RABGEF1: variants seen among roughly 807,000 people sequenced by gnomAD.
The protein encoded by RABGEF1 is rab5 GDP/GTP exchange factor.
Under a neutral mutation model 57.3 loss-of-function variants are expected in RABGEF1, and 26 were observed. The ratio of observed to expected loss-of-function variants is 0.45; its 90% confidence interval spans 0.33 to 0.63. The LOEUF (loss-of-function observed/expected upper bound fraction) is 0.63, where lower values mean the gene tolerates loss of function less well. Ranked by LOEUF, RABGEF1 falls within the 20% of genes least tolerant of loss-of-function variation. RABGEF1 has a pLI of 0.02. For synonymous variants in RABGEF1, 185 were observed against 210.7 expected (o/e 0.88, Z 1.06); for missense variants, 464 against 607.6 (o/e 0.76, Z 2.48).
intron 7 of RABGEF1, among the ~76,000 whole-genome samples, chr7:66,803,769 G>A (rs1244658275): frequency 4.6e-5 from 7 of 151,874 alleles, no homozygotes; most frequent in Non-Finnish European, 1.0e-4. Context: ...CGTGCCTGTA[G>A]TCCCAGCTAC....
At chr7:66,794,302 CCTTT>C (rs1398428542) in intron 4 of RABGEF1, among the ~76,000 whole-genome samples, 3 of 146,728 alleles carry the variant, frequency 2.0e-5, no homozygotes, top group African/African-American at 7.6e-5. Context: ...CTTTCTCTCC[CCTTT>C]CTTTCTTTCC....
chr7:66,661,825 C>A, the RABGEF1 span, among the ~76,000 whole-genome samples: 1 of 152,194 alleles, frequency 6.6e-6, no homozygotes, highest in Non-Finnish European at 1.5e-5. Context: ...ATGAAAACAA[C>A]TGACCAATAT....
Position 66,810,411 on chromosome 7 carries a change from C to G in RABGEF1, c.*1127C>G, listed in dbSNP as rs1024007065. ...CCGCTAGAGCTGTGAAAAATTCTCT[C>G]CAGACATAGTCAGATGTCTCCTGGG... On this transcript the variant is annotated 3_prime_UTR_variant, in exon 9 of 9. Coordinates refer to ENST00000284957, the MANE Select transcript of RABGEF1 (RefSeq NM_014504.3). 50 of 152,156 alleles carry G rather than the reference C, an allele frequency of 3.3e-4. No individual in the cohort carries two copies. Among genetic ancestry groups the G allele is most frequent in the African/African-American group, 1.2e-3 (49 of 41,432 alleles). The allele number at this position is 152,156 out of a possible 1,614,324, so 9.4% of individuals were successfully genotyped here.
At chr7:66,788,021 G>A (rs1436000183) in intron 4 of RABGEF1, among the ~76,000 whole-genome samples, 1 of 152,238 alleles carries the variant, frequency 6.6e-6, no homozygotes, top group Non-Finnish European at 1.5e-5. Context: ...CCCTTGCTAA[G>A]TGTTAATAAA....
At chr7:66,805,786 C>G (rs1208278053) in intron 8 of RABGEF1, among the ~76,000 whole-genome samples, 1 of 152,132 alleles carries the variant, frequency 6.6e-6, no homozygotes, top group Non-Finnish European at 1.5e-5. Context: ...ACTCTATCAC[C>G]CAGGCTGGAG....
chr7:66,797,274 A>C, intron 5 of RABGEF1, 100 bp from the exon 6 acceptor site: 1 of 1,298,640 alleles, frequency 7.7e-7, no homozygotes, highest in South Asian at 1.4e-5. Flanking sequence ...GCTGCACTCC[A>C]ACCTGGGCGA....
At chr7:66,767,060 T>C (rs1805930557) in intron 1 of RABGEF1, among the ~76,000 whole-genome samples, 1 of 147,716 alleles carries the variant, frequency 6.8e-6, no homozygotes, top group Non-Finnish European at 1.5e-5. Flanking sequence ...TGGAGTGCAA[T>C]GGCATGATCT....
At chr7:66,705,501 G>T (rs1397237942) in intron 1 of RABGEF1, among the ~76,000 whole-genome samples, 1 of 150,292 alleles carries the variant, frequency 6.7e-6, no homozygotes. Flanking sequence ...GGGGGAGGGG[G>T]AGGAAGCAGA....
chr7:66,759,554 G>A (rs954224019), intron 1 of RABGEF1, among the ~76,000 whole-genome samples: 1 of 152,108 alleles, frequency 6.6e-6, no homozygotes, highest in South Asian at 2.1e-4. Context: ...AAGAAAGGAG[G>A]TTTAATTGGC....
intron 1 of RABGEF1, among the ~76,000 whole-genome samples, chr7:66,765,258 T>C (rs1363980401): frequency 6.6e-6 from 1 of 151,840 alleles, no homozygotes; most frequent in Non-Finnish European, 1.5e-5. Context: ...AGAGCTGGGG[T>C]TGGAGTGCAG....
At chr7:66,771,632 AATTTTTTATTTTTT>A (rs199950237) in intron 1 of RABGEF1, among the ~76,000 whole-genome samples, 8 of 151,652 alleles carry the variant, frequency 5.3e-5, no homozygotes, top group Non-Finnish European at 1.2e-4. Flanking sequence ...GTCCTTTCTT[AATTTTTTATTTTTT>A]ATTTTTTATT....
At chr7:66,655,021 C>T in the RABGEF1 span, among the ~76,000 whole-genome samples, 36 of 152,346 alleles carry the variant, frequency 2.4e-4, no homozygotes, top group Non-Finnish European at 4.1e-4. Flanking sequence ...CATTTGTGGT[C>T]GCGCGGGGCC....
At chr7:66,788,798 A>G (rs923398010) in intron 4 of RABGEF1, among the ~76,000 whole-genome samples, 2 of 152,034 alleles carry the variant, frequency 1.3e-5, no homozygotes, top group African/African-American at 2.4e-5. Flanking sequence ...TACTAAAAAT[A>G]CAAAAAATTA....
At chr7:66,761,383 G>A (rs1804308093) in intron 1 of RABGEF1, among the ~76,000 whole-genome samples, 1 of 152,170 alleles carries the variant, frequency 6.6e-6, no homozygotes, top group African/African-American at 2.4e-5. Context: ...CAATTAATTT[G>A]CTGAGGTGGT....
At chr7:66,663,407 G>A in the RABGEF1 span, among the ~76,000 whole-genome samples, 2 of 152,092 alleles carry the variant, frequency 1.3e-5, no homozygotes, top group African/African-American at 2.4e-5. Flanking sequence ...CTCAGCACTG[G>A]TCTCTACTGA....
chr7:66,747,887 AC>A (rs1390314871), intron 1 of RABGEF1, among the ~76,000 whole-genome samples: 1 of 152,188 alleles, frequency 6.6e-6, no homozygotes, highest in Non-Finnish European at 1.5e-5. Flanking sequence ...TTACAAAGAT[AC>A]GTGCGACATA....
At chr7:66,765,849 T>G in intron 1 of RABGEF1, among the ~76,000 whole-genome samples, 1 of 152,212 alleles carries the variant, frequency 6.6e-6, no homozygotes, top group East Asian at 1.9e-4. Flanking sequence ...CTTTGTGGAT[T>G]GAGAGGACAG....
chr7:66,744,964 G>A (rs1214475028), intron 1 of RABGEF1, among the ~76,000 whole-genome samples: 2 of 151,900 alleles, frequency 1.3e-5, no homozygotes, highest in African/African-American at 2.4e-5. Flanking sequence ...AAGCTGAGGC[G>A]GGTGGATCAT....
chr7:66,721,523 T>G (rs1796051028), intron 2 of RABGEF1, among the ~76,000 whole-genome samples: 2 of 152,208 alleles, frequency 1.3e-5, no homozygotes, highest in Non-Finnish European at 2.9e-5. Context: ...CAGTGCAGCA[T>G]CATCAAATTC....
Sources: gnomAD v4.1 joint callset for allele counts (sites outside exome capture counted in the v4.1 genomes callset) on GRCh38, gnomAD v4.1.1 for gene constraint, MANE v1.5 for transcripts, NCBI Gene and HGNC (gene_info 2026-07-23, HGNC 2026-07-21) for gene names.